Variants in ICAM3 observed in about 807,000 individuals in gnomAD.
ICAM3 encodes the protein intercellular adhesion molecule 3.
A neutral mutation model predicts 43.6 loss-of-function variants in ICAM3; 54 were observed. The ratio of observed to expected loss-of-function variants is 1.24; its 90% CI spans 0.99 to 1.55. The LOEUF is 1.55. Among genes scored for constraint, ICAM3 ranks in the 40% most tolerant of loss-of-function variants. The pLI is 0.00. For synonymous variants in ICAM3, 306 were observed against 312.6 expected (o/e 0.98, Z 0.22); for missense variants, 715 against 717.9 (o/e 1.00, Z 0.05).
rs935986378 is a variant in ICAM3 at position 10,338,825 on chromosome 19, G to A, written c.200C>T (p.Thr67Met). ...GGCCACCAGCTCCTTTGATAGGGAC[G>A]TCTCCAAGGCGATTTTCTCAGAGCT... ...CPSSEKIALE[T>M]SLSKELVASG... Residue 67 changes from threonine to methionine, a missense_variant, in exon 2 of 7, where the codon ACG becomes ATG. By Grantham distance (81) the Thr-to-Met change is moderately conservative. Transcript: ENST00000160262. 1.4e-5 allele frequency: 22 copies of A among 1,614,012 alleles called. No homozygotes were observed. The highest frequency in any genetic ancestry group is 6.7e-5 in the Admixed American group (4 of 59,974).
Position 10,334,292 on chromosome 19 carries a change from TCAAA to T in ICAM3, c.1305_1308del (p.Cys435Ter). On this transcript the variant is annotated frameshift_variant, in exon 6 of 7. Transcript: ENST00000160262. LOFTEE classifies it high-confidence loss of function. This position sits in a 1 kb window ranked among gnomAD's most constrained non-coding sequence, Gnocchi z 5.5. ...GGCACCTCCCGGCTGGAGCCTTCCT[TCAAA>T]CACCGCAGCTCGGGGTACGGGTTGC... 6.2e-7 allele frequency: 1 copy of T among 1,614,154 alleles called. No individual in the cohort carries two copies. The highest frequency in any genetic ancestry group is 8.5e-7 in the Non-Finnish European group (1 of 1,180,024).
In ICAM3 at chr19:10,334,988, CT is replaced by C; in HGVS notation, c.937+77del. On this transcript the variant is annotated intron_variant, in intron 4 of 6. Transcript: ENST00000160262. This position sits in a 1 kb window ranked among gnomAD's most constrained non-coding sequence, Gnocchi z 5.5. Reference sequence around the variant, plus strand: ...GCTATTGGGGCAAGCCAGGCCCCACCTTTTCGGCTAGTCTCCGCCCCCTCTG... The same window carrying C: ...GCTATTGGGGCAAGCCAGGCCCCACCTTTCGGCTAGTCTCCGCCCCCTCTG... 2 of 1,544,512 alleles carry C rather than the reference CT, an allele frequency of 1.3e-6. No homozygotes were observed. Among genetic ancestry groups the C allele is most frequent in the Non-Finnish European group, 1.8e-6 (2 of 1,141,134 alleles).
chr19:10,336,733 G>A (rs541203867), intron 2 of ICAM3, among the ~76,000 whole-genome samples: 1 of 148,836 alleles, frequency 6.7e-6, no homozygotes, highest in East Asian at 2.0e-4. Flanking sequence ...TTGAACCCAG[G>A]AGGCAAAATT....
In ICAM3 at chr19:10,335,317, C is replaced by CG; in HGVS notation, c.685dup (p.Arg229ProfsTer85). The CG allele has an allele frequency of 6.2e-7, 1 of 1,611,690 alleles. No individual in the cohort carries two copies. Among genetic ancestry groups the CG allele is most frequent in the Non-Finnish European group, 8.5e-7 (1 of 1,179,750 alleles). On this transcript the variant is annotated frameshift_variant, in exon 4 of 7. Transcript: ENST00000160262. LOFTEE classifies it high-confidence loss of function. ...CCACGACGTTTCCACCTCCAAGAAC[C>CG]GGGGGGCCACGAGGCGCGGGGGGGT...
chr19:10,339,427 G>A (rs2040632987), intron 1 of ICAM3, 112 bp downstream of exon 1: 8 of 897,936 alleles, frequency 8.9e-6, no homozygotes, highest in South Asian at 4.7e-5. Context: ...CAGAGTCAGC[G>A]GCCAGGTCGC....
intron 2 of ICAM3, among the ~76,000 whole-genome samples, chr19:10,338,436 A>G (rs1325520224): frequency 6.6e-6 from 1 of 150,948 alleles, no homozygotes; most frequent in Non-Finnish European, 1.5e-5. Context: ...TTGGGGCCCA[A>G]GTTAATTGAT....
Position 10,334,727 on chromosome 19 carries a change from T to C in ICAM3, c.993A>G (p.Thr331=), listed in dbSNP as rs756040960. 4 of 1,612,906 alleles carry C rather than the reference T, an allele frequency of 2.5e-6. No homozygotes were observed. The highest frequency in any genetic ancestry group is 3.4e-6 in the Non-Finnish European group (4 of 1,179,704). Residue 331 remains threonine, a synonymous_variant, in exon 5 of 7, where the codon ACA becomes ACG. Coordinates refer to ENST00000160262, the MANE Select transcript of ICAM3 (RefSeq NM_002162.5). The surrounding 1 kb of genome is among the most constrained non-coding windows in gnomAD (Gnocchi z 5.5). ...CCCCAGCCATGCAACTCACGGTCAC[T>C]GTGGACCCCTCATGGGCGGTGGGCT... The part of the protein sequence containing the change: ...LSEPTAHEGS[T]VTVSCMAGAR...
chr19:10,335,991 G>A lies in ICAM3; in HGVS notation c.344-15C>T. On this transcript the variant is annotated splice_polypyrimidine_tract_variant and intron_variant, in intron 2 of 6. Transcript: ENST00000160262. ...CTCCGGGAGCCCTGAGAGAGGAGGG[G>A]AGGATGGCACTTAGCGGGTCCTGCA... is the stretch of plus-strand genomic sequence containing the variant. 2.0e-6 allele frequency: 3 copies of A among 1,533,708 alleles called. No individual in the cohort carries two copies. The highest frequency in any genetic ancestry group is 2.6e-6 in the Non-Finnish European group (3 of 1,143,542).
At chr19:10,339,473 C>A (rs866724033) in intron 1 of ICAM3, 66 bp downstream of exon 1, 36 of 1,362,468 alleles carry the variant, frequency 2.6e-5, no homozygotes, top group Non-Finnish European at 3.1e-6. Context: ...GCGTTCTATT[C>A]CTCTACCCTC....
intron 2 of ICAM3, 55 bp from the exon 3 acceptor site, chr19:10,336,031 C>T (rs1430598979): frequency 1.4e-6 from 2 of 1,455,290 alleles, no homozygotes; most frequent in Non-Finnish European, 1.8e-6. Context: ...CACCCACTCA[C>T]CCCAGGGACT....
Position 10,334,244 on chromosome 19 carries a change from TGAC to T in ICAM3, c.1354_1356del (p.Val452del), listed in dbSNP as rs776092431. 1 of 1,614,168 alleles carries T rather than the reference TGAC, an allele frequency of 6.2e-7. No individual in the cohort carries two copies. On this transcript the variant is annotated inframe_deletion, in exon 6 of 7. Coordinates refer to ENST00000160262, the MANE Select transcript of ICAM3 (RefSeq NM_002162.5). The surrounding 1 kb of genome is among the most constrained non-coding windows in gnomAD (Gnocchi z 5.5). ...TGATAAGTACCATTATGTGTTACGT[TGAC>T]GAAGAACGGGATCCCCACCGGCACC...
At chr19:10,338,183 C>A (rs1038129555) in intron 2 of ICAM3, among the ~76,000 whole-genome samples, 6 of 151,488 alleles carry the variant, frequency 4.0e-5, no homozygotes, top group African/African-American at 1.5e-4. Flanking sequence ...GTGGGCGGAT[C>A]GCCTGAGGTC....
At position 10,335,880 on chromosome 19, in the gene ICAM3, C is replaced by T. The variant is rs747323600; in HGVS notation, c.440G>A (p.Arg147Gln). 2.5e-6 allele frequency: 4 copies of T among 1,605,734 alleles called. No individual in the cohort carries two copies. The highest frequency in any genetic ancestry group is 2.7e-5 in the African/African-American group (2 of 74,896). The change falls in exon 3 of 7, where the codon CGG (arginine) becomes CAG (glutamine). Residue 147 changes from arginine to glutamine, a missense_variant. Transcript: ENST00000160262. Reference sequence around the variant, plus strand: ...AAGCAGCACCACCGTGAGGCTGGTCCGGGGCGACCCATCCTCCACTTGGCA... The same window carrying T: ...AAGCAGCACCACCGTGAGGCTGGTCTGGGGCGACCCATCCTCCACTTGGCA... ...LRCQVEDGSP[R>Q]TSLTVVLLRW... is the part of the protein sequence containing the mutation.
Position 10,339,521 on chromosome 19 carries a change from C to T in ICAM3, c.76+18G>A, listed in dbSNP as rs201834441. On this transcript the variant is annotated intron_variant, in intron 1 of 6. Transcript: ENST00000160262. Reference sequence around the variant, plus strand: ...AAACGCAGCCCTCTCCAGCCCTCCCCGGCTTGACTGGTCTCACCTGGGGTC... The same window carrying T: ...AAACGCAGCCCTCTCCAGCCCTCCCTGGCTTGACTGGTCTCACCTGGGGTC... The T allele has an allele frequency of 8.6e-5, 139 of 1,612,218 alleles. No individual in the cohort carries two copies. Among genetic ancestry groups the T allele is most frequent in the Middle Eastern group, 1.6e-4 (1 of 6,076 alleles).
intron 2 of ICAM3, among the ~76,000 whole-genome samples, chr19:10,336,972 T>TG (rs1390975846): frequency 6.6e-6 from 1 of 151,026 alleles, no homozygotes; most frequent in Non-Finnish European, 1.5e-5. Context: ...TAGCCGGGCA[T>TG]GGTGTCACAC....
chr19:10,336,616 G>A (rs2040600516), intron 2 of ICAM3, among the ~76,000 whole-genome samples: 1 of 151,978 alleles, frequency 6.6e-6, no homozygotes, highest in Non-Finnish European at 1.5e-5. Context: ...GACCAGCCTT[G>A]CCAACATGGT....
chr19:10,339,076 G>A, intron 1 of ICAM3, 128 bp from the exon 2 acceptor site: 1 of 961,012 alleles, frequency 1.0e-6, no homozygotes, highest in Non-Finnish European at 1.5e-6. Context: ...ATGGTCCAGT[G>A]GGAAAGGTAG....
chr19:10,339,593 C>T lies in ICAM3; in HGVS notation c.22G>A (p.Val8Met), dbSNP rs760770030. The change falls in exon 1 of 7, where the codon GTG (valine) becomes ATG (methionine). Residue 8 changes from valine (V) to methionine (M), a missense_variant. Physicochemically the swap from Val to Met is conservative, Grantham distance 21. Coordinates refer to ENST00000160262, the MANE Select transcript of ICAM3 (RefSeq NM_002162.5). MATMVPS[V>M]LWPRACWTLL... The stretch of plus-strand genomic sequence containing the variant: ...GTCCAGCAGGCCCTGGGCCACAACA[C>T]GGATGGTACCATGGTGGCCATTCTG... The T allele has an allele frequency of 3.0e-5, 49 of 1,613,898 alleles. No homozygotes were observed. Among genetic ancestry groups the T allele is most frequent in the Admixed American group, 1.3e-4 (8 of 60,000 alleles).
At chr19:10,335,022 C>T in intron 4 of ICAM3, 44 bp downstream of exon 4, 2 of 1,587,820 alleles carry the variant, frequency 1.3e-6, no homozygotes, top group Non-Finnish European at 1.7e-6. Context: ...CTGCCACGCC[C>T]CCAGACTGCT....
Sources: allele counts gnomAD v4.1 joint callset (sites outside exome capture counted in the v4.1 genomes callset), GRCh38; gene constraint gnomAD v4.1.1; non-coding constraint Gnocchi (gnomAD v3.1); transcripts MANE v1.5; gene names NCBI Gene and HGNC (gene_info 2026-07-23, HGNC 2026-07-21).